TRIM8: variants seen among roughly 807,000 people sequenced by gnomAD.
TRIM8 encodes tripartite motif containing 8, also known as E3 ubiquitin-protein ligase TRIM8.
Under a neutral mutation model 55.7 loss-of-function variants are expected in TRIM8, and 9 were observed. The ratio of observed to expected loss-of-function variants is 0.16; its 90% CI spans 0.10 to 0.28. TRIM8 has a LOEUF of 0.28. Among genes scored for constraint, TRIM8 ranks in the 10% least tolerant of loss-of-function variants. The pLI is 1.00. For missense variants in TRIM8, 556 were observed against 736.4 expected, an observed-to-expected ratio of 0.76 and a Z score of 2.83; for synonymous variants, 335 against 333.3, an observed-to-expected ratio of 1.01 and a Z score of -0.06.
intron 1 of TRIM8, among the ~76,000 whole-genome samples, chr10:102,646,485 A>G (rs541622434): frequency 6.6e-6 from 1 of 152,300 alleles, no homozygotes; most frequent in African/African-American, 2.4e-5. Context: ...GTCACTGTTT[A>G]GCAATTAAAA....
At chr10:102,646,117 C>T (rs995771487) in intron 1 of TRIM8, among the ~76,000 whole-genome samples, 1 of 152,228 alleles carries the variant, frequency 6.6e-6, no homozygotes, top group African/African-American at 2.4e-5. Context: ...ACCGCCTCCC[C>T]CCTCAGGCCT....
At chr10:102,650,417 A>T (rs1166390351) in intron 1 of TRIM8, among the ~76,000 whole-genome samples, 1 of 152,060 alleles carries the variant, frequency 6.6e-6, no homozygotes, top group Non-Finnish European at 1.5e-5. Context: ...CTGATTCTTC[A>T]TGCTTTTGTC....
At chr10:102,648,315 C>T (rs920053169) in intron 1 of TRIM8, among the ~76,000 whole-genome samples, 1 of 152,104 alleles carries the variant, frequency 6.6e-6, no homozygotes, top group Non-Finnish European at 1.5e-5. Flanking sequence ...AGAGCAGGCC[C>T]GGTTGCATGT....
Position 102,644,827 on chromosome 10 carries a change from G to A in TRIM8, c.210G>A (p.Lys70=), listed in dbSNP as rs745808225. The change falls in exon 1 of 6, where the codon AAG becomes AAA. Residue 70 remains lysine (K), a synonymous_variant. Coordinates refer to ENST00000643721, the MANE Select transcript of TRIM8 (RefSeq NM_030912.3). Reference sequence around the variant, plus strand: ...AGCCGGGCCTGGAGAAGAACCTGAAGCTCACCAACATCGTGGAGAAGTTCA... The same window carrying A: ...AGCCGGGCCTGGAGAAGAACCTGAAACTCACCAACATCGTGGAGAAGTTCA... ...NQKPGLEKNL[K]LTNIVEKFNA... is the part of the protein sequence containing the mutation. 9.9e-6 allele frequency: 16 copies of A among 1,613,086 alleles called. 1 individual carries two copies. In the East Asian group the frequency reaches 3.3e-4, roughly 34 times the overall value.
intron 1 of TRIM8, among the ~76,000 whole-genome samples, chr10:102,646,299 G>C (rs2063934806): frequency 6.6e-6 from 1 of 152,168 alleles, no homozygotes; most frequent in African/African-American, 2.4e-5. Flanking sequence ...TGGGGCCTGG[G>C]GCCTGGGTGT....
chr10:102,645,340 CAGGGTCCTGGGAAGA>C, intron 1 of TRIM8, 153 bp downstream of exon 1: 1 of 887,748 alleles, frequency 1.1e-6, no homozygotes, highest in Non-Finnish European at 1.6e-6. Context: ...AGTTTGGGGA[CAGGGTCCTGGGAAGA>C]AGGGCCCCGG....
chr10:102,646,916 G>A (rs2063940899), intron 1 of TRIM8, among the ~76,000 whole-genome samples: 1 of 152,246 alleles, frequency 6.6e-6, no homozygotes. Context: ...CGCACCCACA[G>A]TGCTGCTGTA....
rs766807097 is a variant in TRIM8 at position 102,644,880 on chromosome 10, C to G, written c.263C>G (p.Ala88Gly). The change falls in exon 1 of 6, where the codon GCG becomes GGG. Residue 88 changes from alanine to glycine, a missense_variant. Ala to Gly is a moderately conservative substitution (Grantham distance 60). Around this residue, in one of 2 missense-constraint regions of TRIM8, gnomAD observed 165 missense variants for 295.3 expected, o/e 0.56. Coordinates refer to ENST00000643721, the MANE Select transcript of TRIM8 (RefSeq NM_030912.3). ...GCCCTGCACGTGGAGAAGCCGCCGG[C>G]GGCGCTGCACTGCGTGTTCTGCCGC... Reference protein sequence around the residue: ...FNALHVEKPPAALHCVFCRRG... With the variant: ...FNALHVEKPPGALHCVFCRRG... 15 of 1,611,370 alleles carry G rather than the reference C, an allele frequency of 9.3e-6. No individual in the cohort carries two copies. Among genetic ancestry groups the G allele is most frequent in the Non-Finnish European group, 1.3e-5 (15 of 1,179,268 alleles).
In TRIM8 at chr10:102,644,809, C is replaced by A; in HGVS notation, c.192C>A (p.Gly64=). The A allele has an allele frequency of 6.2e-7, 1 of 1,613,194 alleles. No homozygotes were observed. The highest frequency in any genetic ancestry group is 8.5e-7 in the Non-Finnish European group (1 of 1,179,850). The part of the protein sequence containing the change: ...ECNQAYNQKP[G]LEKNLKLTNI... ...ACCAGGCCTACAACCAGAAGCCGGG[C>A]CTGGAGAAGAACCTGAAGCTCACCA... Residue 64 remains glycine, a synonymous_variant, in exon 1 of 6, where the codon GGC becomes GGA. Coordinates refer to ENST00000643721, the MANE Select transcript of TRIM8 (RefSeq NM_030912.3).
At chr10:102,655,362 A>C in intron 3 of TRIM8, 49 bp downstream of exon 3, 1 of 1,552,306 alleles carries the variant, frequency 6.4e-7, no homozygotes, top group Non-Finnish European at 8.8e-7. Flanking sequence ...GGCCATTTCC[A>C]AATTGAGATC....
intron 1 of TRIM8, among the ~76,000 whole-genome samples, chr10:102,649,813 T>C (rs1473955557): frequency 6.6e-6 from 1 of 151,822 alleles, no homozygotes; most frequent in Middle Eastern, 3.4e-3. Context: ...GCTTGAGGCA[T>C]GGAAAGGGGG....
At chr10:102,653,466 G>T in intron 1 of TRIM8, 1 of 152,794 alleles carries the variant, frequency 6.5e-6, no homozygotes. Context: ...TGATAGGACG[G>T]AGTCACGGAG....
chr10:102,650,842 T>C (rs34269636), intron 1 of TRIM8, among the ~76,000 whole-genome samples: 31,858 of 152,148 alleles, frequency 0.21, 4,251 homozygotes, highest in Non-Finnish European at 0.29. Flanking sequence ...TGGGCCTTGC[T>C]TCCTCTGCTC....
At chr10:102,654,996 A>T in intron 2 of TRIM8, 84 bp from the exon 3 acceptor site, 1 of 1,480,500 alleles carries the variant, frequency 6.8e-7, no homozygotes, top group Non-Finnish European at 9.3e-7. Flanking sequence ...TTAGGGTTCT[A>T]GGATGTGAGA....
At chr10:102,650,264 T>C (rs2063973550) in intron 1 of TRIM8, among the ~76,000 whole-genome samples, 1 of 152,094 alleles carries the variant, frequency 6.6e-6, no homozygotes, top group Admixed American at 6.5e-5. Context: ...GGCCAGTCAG[T>C]CTCCAGAGGG....
In TRIM8 at chr10:102,644,502, C is replaced by T; in HGVS notation, c.-116C>T. ...CGGAAGGCGCTGCTGACTGAGCGACCGTCGGGGCCGGCTGGGGCCGGAGCT... is the reference window on the plus strand; with the variant it reads ...CGGAAGGCGCTGCTGACTGAGCGACTGTCGGGGCCGGCTGGGGCCGGAGCT... On this transcript the variant is annotated 5_prime_UTR_variant, in exon 1 of 6. Transcript: ENST00000643721. 4 of 989,600 alleles carry T rather than the reference C, an allele frequency of 4.0e-6. No homozygotes were observed. In the Admixed American group the frequency reaches 1.4e-4, roughly 34 times the overall value. 61.3% of individuals were successfully genotyped at this position (989,600 alleles called of 1,614,324 possible).
Position 102,645,119 on chromosome 10 carries a change from T to A in TRIM8, c.502T>A (p.Cys168Ser). 6.3e-7 allele frequency: 1 copy of A among 1,589,520 alleles called. No individual in the cohort carries two copies. The highest frequency in any genetic ancestry group is 1.1e-5 in the South Asian group (1 of 90,066). The change falls in exon 1 of 6, where the codon TGC becomes AGC. Residue 168 changes from cysteine (C) to serine (S), a missense_variant. Physicochemically the swap from Cys to Ser is moderately radical, Grantham distance 112. Around this residue, in one of 2 missense-constraint regions of TRIM8, gnomAD observed 165 missense variants for 295.3 expected, o/e 0.56. Coordinates refer to ENST00000643721, the MANE Select transcript of TRIM8 (RefSeq NM_030912.3). ...AEQVAVCQYCCYYSGAHQGHS... is the reference protein window; with the variant it reads ...AEQVAVCQYCSYYSGAHQGHS... Reference sequence around the variant, plus strand: ...GCAGGTGGCCGTGTGCCAGTACTGCTGCTACTACAGCGGCGCGCATCAGGG... The same window carrying A: ...GCAGGTGGCCGTGTGCCAGTACTGCAGCTACTACAGCGGCGCGCATCAGGG...
At chr10:102,655,674 A>G (rs2064017975) in intron 3 of TRIM8, among the ~76,000 whole-genome samples, 1 of 152,234 alleles carries the variant, frequency 6.6e-6, no homozygotes, top group African/African-American at 2.4e-5. Context: ...TAGTATGAAA[A>G]TTCAAACATT....
Position 102,657,724 on chromosome 10 carries a change from G to C in TRIM8, c.*370G>C, listed in dbSNP as rs766019022. On this transcript the variant is annotated 3_prime_UTR_variant, in exon 6 of 6. Transcript: ENST00000643721. ...CCTCGGCTTCCCTGAAAGCTTGGGG[G>C]TCCCACCCTTCTTACCCCACCCGGG... 6.2e-4 allele frequency: 117 copies of C among 190,226 alleles called. No individual in the cohort carries two copies. Among genetic ancestry groups the C allele is most frequent in the Non-Finnish European group, 9.1e-4 (85 of 93,010 alleles). 11.8% of individuals were successfully genotyped at this position (190,226 alleles called of 1,614,324 possible).
Sources: gnomAD v4.1 joint callset for allele counts (sites outside exome capture counted in the v4.1 genomes callset) on GRCh38, gnomAD v4.1.1 for gene constraint, gnomAD v4.1.1 regional missense constraint, MANE v1.5 for transcripts, NCBI Gene and HGNC (gene_info 2026-07-23, HGNC 2026-07-21) for gene names.